The following PXDNL variants were observed in gnomAD, a reference collection of about 807,000 sequenced individuals.
PXDNL encodes peroxidasin like, also known as probable oxidoreductase PXDNL.
Under a neutral mutation model 150.8 loss-of-function variants are expected in PXDNL, and 145 were observed. The observed-to-expected ratio is 0.96, with a 90% CI of 0.84 to 1.10. The LOEUF (loss-of-function observed/expected upper bound fraction) is 1.10, where lower values mean the gene tolerates loss of function less well. Among genes scored for constraint, PXDNL ranks in the 50% least tolerant of loss-of-function variants. The probability of loss-of-function intolerance (pLI) is 0.00; values close to 1 mark genes in which losing one functional copy is unlikely to be tolerated. For missense variants in PXDNL, 2,087 were observed against 1,873.9 expected (o/e 1.11, Z -2.10); for synonymous variants, 757 against 725.7 (o/e 1.04, Z -0.69).
chr8:51,452,317 G>T (rs1017676763), intron 10 of PXDNL, among the ~76,000 whole-genome samples: 39 of 152,198 alleles, frequency 2.6e-4, no homozygotes, highest in Middle Eastern at 3.4e-3. Flanking sequence ...ATTTCCCCCA[G>T]AAGTTACCAA....
At chr8:51,548,876 T>C (rs1428706556) in intron 4 of PXDNL, among the ~76,000 whole-genome samples, 1 of 152,112 alleles carries the variant, frequency 6.6e-6, no homozygotes, top group Non-Finnish European at 1.5e-5. Context: ...ATTTAAAAGA[T>C]ATGGAATGGC....
At chr8:51,491,185 C>A (rs1810884285) in intron 5 of PXDNL, among the ~76,000 whole-genome samples, 1 of 152,118 alleles carries the variant, frequency 6.6e-6, no homozygotes, top group South Asian at 2.1e-4. Flanking sequence ...GGCTTCCTTA[C>A]TCCTCAGCTT....
intron 21 of PXDNL, among the ~76,000 whole-genome samples, chr8:51,322,929 T>C (rs1485820694): frequency 6.6e-6 from 1 of 152,148 alleles, no homozygotes; most frequent in Admixed American, 6.5e-5. Flanking sequence ...ACTAATAAAC[T>C]AGCAGGACTT....
At chr8:51,746,158 A>T (rs1445248245) in intron 1 of PXDNL, among the ~76,000 whole-genome samples, 1 of 152,218 alleles carries the variant, frequency 6.6e-6, no homozygotes, top group Non-Finnish European at 1.5e-5. Flanking sequence ...TGTAGCCATC[A>T]TCTCTAGATT....
intron 17 of PXDNL, among the ~76,000 whole-genome samples, chr8:51,405,190 C>T (rs948034964): frequency 2.6e-5 from 4 of 152,134 alleles, no homozygotes; most frequent in Non-Finnish European, 4.4e-5. Flanking sequence ...CAGAGGGAGC[C>T]GGCTTCCGCC....
At position 51,408,517 on chromosome 8, in the gene PXDNL, T is replaced by C. The variant is rs1434666248; in HGVS notation, c.3107A>G (p.Tyr1036Cys). 27 of 1,613,166 alleles carry C rather than the reference T, an allele frequency of 1.7e-5. No homozygotes were observed. The highest frequency in any genetic ancestry group is 2.2e-5 in the Non-Finnish European group (26 of 1,179,502). The change falls in exon 17 of 23, where the codon TAC (tyrosine) becomes TGC (cysteine). Residue 1036 changes from tyrosine to cysteine, a missense_variant. Transcript: ENST00000356297. ...GATGCCTGCATTCACGTTGGGGTTG[T>C]AGCCTCGGTAACCCCTCAGCATCCT... is the stretch of plus-strand genomic sequence containing the variant. ...GTRMLRGYRGYNPNVNAGIIN... is the reference protein window; with the variant it reads ...GTRMLRGYRGCNPNVNAGIIN...
At chr8:51,798,731 G>A (rs543844002) in intron 1 of PXDNL, among the ~76,000 whole-genome samples, 1 of 152,328 alleles carries the variant, frequency 6.6e-6, no homozygotes, top group African/African-American at 2.4e-5. Flanking sequence ...TACACTGTTG[G>A]TGGGAATGTA....
chr8:51,503,403 T>A (rs74962492), intron 4 of PXDNL, among the ~76,000 whole-genome samples: 18 of 1,118 alleles, frequency 0.016, no homozygotes, highest in Admixed American at 0.071. Context: ...TTTTTCAAAA[T>A]TTTTTTTAAA....
chr8:51,762,217 T>G (rs886297070), intron 1 of PXDNL, among the ~76,000 whole-genome samples: 1 of 152,212 alleles, frequency 6.6e-6, no homozygotes, highest in African/African-American at 2.4e-5. Context: ...TGTGACTTAC[T>G]TTTCAATCTG....
At chr8:51,703,957 A>G (rs1816310272) in intron 1 of PXDNL, among the ~76,000 whole-genome samples, 1 of 152,200 alleles carries the variant, frequency 6.6e-6, no homozygotes, top group Non-Finnish European at 1.5e-5. Context: ...TTGGGAAAAA[A>G]ACTATTATCA....
At chr8:51,572,902 C>G (rs1243510857) in intron 3 of PXDNL, among the ~76,000 whole-genome samples, 1 of 151,816 alleles carries the variant, frequency 6.6e-6, no homozygotes, top group African/African-American at 2.4e-5. Context: ...ATAAGACAAA[C>G]TAAAAGGCCT....
rs566380625 is a variant in PXDNL at position 51,522,610 on chromosome 8, G to A, written c.381-22840C>T. On this transcript the variant is annotated intron_variant, in intron 4 of 22. Coordinates refer to ENST00000356297, the MANE Select transcript of PXDNL (RefSeq NM_144651.5). ...TGTAATCCCAGCACTTTGGGGGGCC[G>A]AAGTGGGTGGATCACCTGAGGTCAG... Among the ~76,000 whole-genome samples, 6 of 152,276 alleles carry A rather than the reference G, an allele frequency of 3.9e-5. No individual in the cohort carries two copies. In the East Asian group the frequency reaches 7.7e-4, roughly 20 times the overall value.
intron 4 of PXDNL, among the ~76,000 whole-genome samples, chr8:51,546,145 C>T (rs1398251709): frequency 6.6e-6 from 1 of 152,182 alleles, no homozygotes; most frequent in Non-Finnish European, 1.5e-5. Context: ...CTGCTTGCTG[C>T]TACAAGTGCT....
At chr8:51,642,767 T>G (rs748479760) in intron 2 of PXDNL, among the ~76,000 whole-genome samples, 1 of 152,202 alleles carries the variant, frequency 6.6e-6, no homozygotes, top group Non-Finnish European at 1.5e-5. Context: ...TGTCTGCAGA[T>G]GACATGACTG....
intron 1 of PXDNL, among the ~76,000 whole-genome samples, chr8:51,655,305 G>A (rs1815127779): frequency 2.0e-5 from 3 of 152,300 alleles, no homozygotes; most frequent in South Asian, 2.1e-4. Flanking sequence ...TCTTTCATGA[G>A]TCCACATCTT....
chr8:51,736,174 T>C (rs1172537149), intron 1 of PXDNL, among the ~76,000 whole-genome samples: 5 of 152,184 alleles, frequency 3.3e-5, no homozygotes, highest in Non-Finnish European at 7.3e-5. Flanking sequence ...AAGAAACAGC[T>C]CTGAGGAGAG....
intron 4 of PXDNL, among the ~76,000 whole-genome samples, chr8:51,521,791 A>G (rs984473037): frequency 1.3e-5 from 2 of 152,182 alleles, no homozygotes; most frequent in Non-Finnish European, 2.9e-5. Context: ...AAACTTATCT[A>G]CAGAGGAACA....
chr8:51,619,992 AT>A (rs1406935671), intron 2 of PXDNL, among the ~76,000 whole-genome samples: 1 of 152,100 alleles, frequency 6.6e-6, no homozygotes, highest in Non-Finnish European at 1.5e-5. Flanking sequence ...GATTAAATAA[AT>A]CCGTTCTACT....
intron 17 of PXDNL, among the ~76,000 whole-genome samples, chr8:51,404,386 T>C (rs1264615701): frequency 6.7e-6 from 1 of 149,808 alleles, no homozygotes; most frequent in Non-Finnish European, 1.5e-5. Context: ...ATCCCTGAGC[T>C]AGACACAGAG....
Sources: allele counts gnomAD v4.1 joint callset (sites outside exome capture counted in the v4.1 genomes callset), GRCh38; gene constraint gnomAD v4.1.1; transcripts MANE v1.5; gene names NCBI Gene and HGNC (gene_info 2026-07-23, HGNC 2026-07-21).